The following SGCZ variants were observed in gnomAD, a reference collection of about 807,000 sequenced individuals.
The protein encoded by SGCZ is zeta-sarcoglycan.
A neutral mutation model predicts 41.3 loss-of-function variants in SGCZ; 40 were observed. That is an observed-to-expected ratio of 0.97 (90% CI 0.75 to 1.26). The LOEUF is 1.26. SGCZ is among the 50% of genes most tolerant of loss of function. The pLI is 0.00. For missense variants in SGCZ, 552 were observed against 369.8 expected (o/e 1.49, Z -4.04); for synonymous variants, 206 against 137.5 (o/e 1.50, Z -3.49).
chr8:15,226,483 A>G (rs1319114716), intron 1 of SGCZ, among the ~76,000 whole-genome samples: 1 of 152,180 alleles, frequency 6.6e-6, no homozygotes, highest in Non-Finnish European at 1.5e-5. Context: ...CATCATCAGC[A>G]GCAGCTACTA....
At chr8:15,140,345 C>A (rs114326028) in intron 1 of SGCZ, among the ~76,000 whole-genome samples, 4 of 152,094 alleles carry the variant, frequency 2.6e-5, no homozygotes, top group African/African-American at 4.8e-5. Flanking sequence ...TTATTTAGAG[C>A]TCATAACTAA....
At chr8:15,087,055 G>A (rs1368141089) in intron 1 of SGCZ, among the ~76,000 whole-genome samples, 1 of 152,078 alleles carries the variant, frequency 6.6e-6, no homozygotes, top group African/African-American at 2.4e-5. Context: ...TTTGTCCTAA[G>A]CTTTCTGCCA....
In SGCZ at chr8:14,105,102, GTTAACTAT is replaced by G. The variant is rs1178131907; in HGVS notation, c.621-2611_621-2604del. 6.6e-5 allele frequency among the ~76,000 whole-genome samples: 10 copies of G among 152,046 alleles called. No individual in the cohort carries two copies. The East Asian group carries it at 1.7e-3, about 26-fold the overall frequency. On this transcript the variant is annotated intron_variant, in intron 6 of 7. Coordinates refer to ENST00000382080, the MANE Select transcript of SGCZ (RefSeq NM_139167.4). The stretch of plus-strand genomic sequence containing the variant: ...TGGGCAAATTTACTGTTATGTCTTT[GTTAACTAT>G]TTAACATGTTTTTTTTAGCCTTTTA...
intron 4 of SGCZ, among the ~76,000 whole-genome samples, chr8:14,200,801 G>C (rs1805431690): frequency 2.0e-5 from 3 of 152,088 alleles, no homozygotes. Context: ...ATGAATTAAA[G>C]TTCCTCAAAT....
intron 5 of SGCZ, among the ~76,000 whole-genome samples, chr8:14,116,203 A>T (rs1802516826): frequency 6.6e-6 from 1 of 152,132 alleles, no homozygotes; most frequent in African/African-American, 2.4e-5. Context: ...TTACTCTGAA[A>T]AACAAAATAT....
intron 5 of SGCZ, among the ~76,000 whole-genome samples, chr8:14,111,914 A>T (rs1802382193): frequency 6.6e-6 from 1 of 152,196 alleles, no homozygotes; most frequent in African/African-American, 2.4e-5. Context: ...CACGCTCAAA[A>T]ACAAATTATT....
chr8:14,989,249 G>A (rs1267237727), intron 1 of SGCZ, among the ~76,000 whole-genome samples: 3 of 152,160 alleles, frequency 2.0e-5, no homozygotes, highest in Admixed American at 6.5e-5. Flanking sequence ...AGTAGTAATG[G>A]AGAAAATTAC....
chr8:15,229,491 GAAAAGATTTATAAAATTAAATGTAA>G (rs974822135), intron 1 of SGCZ, among the ~76,000 whole-genome samples: 5 of 152,152 alleles, frequency 3.3e-5, no homozygotes, highest in African/African-American at 1.2e-4. Flanking sequence ...TTTTATGGTG[GAAAAGATTTATAAAATTAAATGTAA>G]ATCAGTTGCT....
At chr8:14,253,931 C>A (rs1371468365) in intron 3 of SGCZ, among the ~76,000 whole-genome samples, 1 of 82,272 alleles carries the variant, frequency 1.2e-5, no homozygotes, top group East Asian at 4.9e-4. Context: ...GTTTTTCTCA[C>A]TTGTTCTGCT....
chr8:14,394,151 T>TCCCCC (rs1563300655), intron 2 of SGCZ, among the ~76,000 whole-genome samples: 5 of 65,646 alleles, frequency 7.6e-5, no homozygotes, highest in African/African-American at 4.3e-4. Context: ...ACCTTTTTTT[T>TCCCCC]TTTTTTTTTT....
At chr8:14,225,393 T>C (rs537831813) in intron 4 of SGCZ, among the ~76,000 whole-genome samples, 1 of 152,180 alleles carries the variant, frequency 6.6e-6, no homozygotes, top group South Asian at 2.1e-4. Flanking sequence ...GAAATATTAG[T>C]GTTGAAAATA....
At chr8:14,590,487 C>A (rs1037369029) in intron 1 of SGCZ, among the ~76,000 whole-genome samples, 1 of 151,356 alleles carries the variant, frequency 6.6e-6, no homozygotes, top group Non-Finnish European at 1.5e-5. Flanking sequence ...TTCTTTTACT[C>A]AGATACGTGA....
chr8:14,545,959 T>C lies in SGCZ; in HGVS notation c.234+8773A>G, dbSNP rs76710174. Among the ~76,000 whole-genome samples, 4 of 152,264 alleles carry C rather than the reference T, an allele frequency of 2.6e-5. No homozygotes were observed. The East Asian group carries it at 7.7e-4, about 29-fold the overall frequency. ...AAAAGAACTTATCACTTGGTAGTTG[T>C]TTGCACTTGGATAAAAATGACTGAA... On this transcript the variant is annotated intron_variant, in intron 2 of 7. Coordinates refer to ENST00000382080, the MANE Select transcript of SGCZ (RefSeq NM_139167.4).
chr8:14,364,231 A>G (rs961572423), intron 2 of SGCZ, among the ~76,000 whole-genome samples: 1 of 152,166 alleles, frequency 6.6e-6, no homozygotes, highest in Non-Finnish European at 1.5e-5. Context: ...AATGTTATGT[A>G]GATATTGTGA....
intron 3 of SGCZ, among the ~76,000 whole-genome samples, chr8:14,286,005 G>C (rs141260235): frequency 2.0e-5 from 3 of 152,088 alleles, no homozygotes; most frequent in African/African-American, 4.8e-5. Context: ...TTATTATCAG[G>C]ATAAATTATT....
chr8:14,440,858 C>T lies in SGCZ; in HGVS notation c.234+113874G>A, dbSNP rs1016101579. Among the ~76,000 whole-genome samples the T allele has an allele frequency of 8.6e-5, 13 of 151,524 alleles. 1 individual carries two copies. The East Asian group carries it at 9.8e-4, about 11-fold the overall frequency. ...ATATATGTGTACATATATGTACACA[C>T]ACACACACACACACGCACACACATA... is the stretch of plus-strand genomic sequence containing the variant. On this transcript the variant is annotated intron_variant, in intron 2 of 7. Coordinates refer to ENST00000382080, the MANE Select transcript of SGCZ (RefSeq NM_139167.4).
chr8:15,022,815 T>G (rs1028846944), intron 1 of SGCZ, among the ~76,000 whole-genome samples: 3 of 152,218 alleles, frequency 2.0e-5, no homozygotes, highest in African/African-American at 7.2e-5. Flanking sequence ...TTATTTTACT[T>G]GACATTCAAA....
At chr8:14,191,219 T>G (rs989480658) in intron 4 of SGCZ, among the ~76,000 whole-genome samples, 1 of 152,242 alleles carries the variant, frequency 6.6e-6, no homozygotes, top group African/African-American at 2.4e-5. Flanking sequence ...TGAGCTGTGT[T>G]ATATATTTTG....
At chr8:14,841,700 ACT>A (rs1357822968) in intron 1 of SGCZ, among the ~76,000 whole-genome samples, 1 of 152,242 alleles carries the variant, frequency 6.6e-6, no homozygotes, top group Admixed American at 6.5e-5. Context: ...AAATGGAATT[ACT>A]GTCAGAAAGC....
Sources: gnomAD v4.1 joint callset for allele counts (sites outside exome capture counted in the v4.1 genomes callset) on GRCh38, gnomAD v4.1.1 for gene constraint, MANE v1.5 for transcripts, NCBI Gene and HGNC (gene_info 2026-07-23, HGNC 2026-07-21) for gene names.